Variants in AP5B1 observed in about 807,000 individuals in gnomAD.
AP5B1 encodes AP-5 complex subunit beta-1.
Under a neutral mutation model 5.7 loss-of-function variants are expected in AP5B1, and 3 were observed. That is an observed-to-expected ratio of 0.53 (90% confidence interval 0.24 to 1.36). AP5B1 has a LOEUF of 1.36. Among genes scored for constraint, AP5B1 ranks in the 40% most tolerant of loss-of-function variants. The probability of loss-of-function intolerance (pLI) is 0.17; values close to 1 mark genes in which losing one functional copy is unlikely to be tolerated. For synonymous variants in AP5B1, 696 were observed against 555.5 expected, an observed-to-expected ratio of 1.25 and a Z score of -3.56; for missense variants, 1,310 against 1,143.2, an observed-to-expected ratio of 1.15 and a Z score of -2.10.
In AP5B1 at chr11:65,780,031, C is replaced by T; in HGVS notation, c.462G>A (p.Leu154=). ...CGGGCTTGCAGCTCTCTAGCTCTCG[C>T]AGGCACTCGCAGGCCGTGGCCTGCA... is the stretch of plus-strand genomic sequence containing the variant. ...RPLQATACEC[L]RELESCKPGL... Residue 154 remains leucine, a synonymous_variant, in exon 2 of 2, where the codon CTG becomes CTA. Coordinates refer to ENST00000532090, the MANE Select transcript of AP5B1 (RefSeq NM_138368.5). 1 of 1,554,878 alleles carries T rather than the reference C, an allele frequency of 6.4e-7. No homozygotes were observed. Among genetic ancestry groups the T allele is most frequent in the African/African-American group, 1.4e-5 (1 of 73,338 alleles).
rs372361460 is a variant in AP5B1 at position 65,780,777 on chromosome 11, G to T, written c.-186C>A. ...CTCGGGGCCGACGCCAGAGCTGGGC[G>T]CCGGGGCCCTCGCGGGACAGGACAG... On this transcript the variant is annotated 5_prime_UTR_variant, in exon 1 of 2. Transcript: ENST00000532090. 30 of 510,248 alleles carry T rather than the reference G, an allele frequency of 5.9e-5. No individual in the cohort carries two copies. Among genetic ancestry groups the T allele is most frequent in the East Asian group, 5.3e-4 (14 of 26,388 alleles). The allele number at this position is 510,248 out of a possible 1,614,324, so 31.6% of individuals were successfully genotyped here.
chr11:65,775,787 T>A lies in AP5B1; in HGVS notation c.*2069A>T, dbSNP rs979922313. ...TCCTGAAACTGACCCCTTCCTGATT[T>A]GGAAATGACTTGCCGAGGTGACAAA... On this transcript the variant is annotated 3_prime_UTR_variant, in exon 2 of 2. Transcript: ENST00000532090. The A allele has an allele frequency of 6.6e-6, 1 of 152,226 alleles. No homozygotes were observed. Among genetic ancestry groups the A allele is most frequent in the Non-Finnish European group, 1.5e-5 (1 of 68,038 alleles). The allele number at this position is 152,226 out of a possible 1,614,324, so 9.4% of individuals were successfully genotyped here. A position where few individuals can be genotyped will look rare whatever the true frequency, so the allele number is the denominator to read the frequency against.
chr11:65,780,431 T>C lies in AP5B1; in HGVS notation c.150+11A>G, dbSNP rs1857836520. On this transcript the variant is annotated intron_variant, in intron 1 of 1. Coordinates refer to ENST00000532090, the MANE Select transcript of AP5B1 (RefSeq NM_138368.5). Reference sequence around the variant, plus strand: ...CCTGCGGAACGGCGCAGGGGACGCGTGGGGGCCTACCTTGGTCTGTTCGCT... The same window carrying C: ...CCTGCGGAACGGCGCAGGGGACGCGCGGGGGCCTACCTTGGTCTGTTCGCT... 3.3e-6 allele frequency: 5 copies of C among 1,493,384 alleles called. No individual in the cohort carries two copies. Among genetic ancestry groups the C allele is most frequent in the Non-Finnish European group, 4.4e-6 (5 of 1,126,004 alleles). The allele number at this position is 1,493,384 out of a possible 1,614,324, so 92.5% of individuals were successfully genotyped here.
At position 65,774,077 on chromosome 11, in the gene AP5B1, G is replaced by C. The variant is rs914839608; in HGVS notation, c.*3779C>G. Among the ~76,000 whole-genome samples the C allele has an allele frequency of 6.6e-6, 1 of 152,072 alleles. No individual in the cohort carries two copies. Among genetic ancestry groups the C allele is most frequent in the South Asian group, 2.1e-4 (1 of 4,820 alleles). ...ATCCCTATTTTGTTCATTCATGCTC[G>C]GCAGCTGTGTCTAAACCATAAAGGG... is the stretch of plus-strand genomic sequence containing the variant. On this transcript the variant is annotated 3_prime_UTR_variant, in exon 2 of 2. Coordinates refer to ENST00000532090, the MANE Select transcript of AP5B1 (RefSeq NM_138368.5).
Position 65,780,217 on chromosome 11 carries a change from G to A in AP5B1, c.276C>T (p.Leu92=), listed in dbSNP as rs1250332140. 1.3e-6 allele frequency: 2 copies of A among 1,507,976 alleles called. No homozygotes were observed. The highest frequency in any genetic ancestry group is 1.4e-5 in the African/African-American group (1 of 69,744). The allele number at this position is 1,507,976 out of a possible 1,614,324, so 93.4% of individuals were successfully genotyped here. A position where few individuals can be genotyped will look rare whatever the true frequency, so the allele number is the denominator to read the frequency against. Residue 92 remains leucine (L), a synonymous_variant, in exon 2 of 2, where the codon CTC becomes CTT. Coordinates refer to ENST00000532090, the MANE Select transcript of AP5B1 (RefSeq NM_138368.5). ...TGGCCGCCAGCAGCAGTGGCCGACG[G>A]AGAGCTGAGGGCCGCGGGGGTAGGA... ...LVLLPPRPSA[L]RRPLLLAATT...
At position 65,778,043 on chromosome 11, in the gene AP5B1, G is replaced by A. The variant is rs1857787566; in HGVS notation, c.2450C>T (p.Pro817Leu). 3 of 1,612,708 alleles carry A rather than the reference G, an allele frequency of 1.9e-6. No homozygotes were observed. The highest frequency in any genetic ancestry group is 2.5e-6 in the Non-Finnish European group (3 of 1,179,822). ...AGGAGGCTGGGCCACCACCACAAAA[G>A]GCTCCAGGTGGCGGGACACCAAGCC... Reference protein sequence around the residue: ...LEGLVSRHLEPFVVVAQPPTS... With the variant: ...LEGLVSRHLELFVVVAQPPTS... The change falls in exon 2 of 2, where the codon CCT becomes CTT. Residue 817 changes from proline to leucine, a missense_variant. Transcript: ENST00000532090.
chr11:65,778,777 T>A lies in AP5B1; in HGVS notation c.1716A>T (p.Leu572=). 6.2e-7 allele frequency: 1 copy of A among 1,610,764 alleles called. No homozygotes were observed. The highest frequency in any genetic ancestry group is 8.5e-7 in the Non-Finnish European group (1 of 1,179,016). ...AAAAHCTNWD[L]QQGLLRVCRA... is the part of the protein sequence containing the mutation. ...GGCAGACCCGCAGCAGGCCCTGCTG[T>A]AGGTCCCAGTTCGTGCAGTGGGCAG... The change falls in exon 2 of 2, where the codon CTA becomes CTT. Residue 572 remains leucine, a synonymous_variant. Coordinates refer to ENST00000532090, the MANE Select transcript of AP5B1 (RefSeq NM_138368.5).
Position 65,778,969 on chromosome 11 carries a change from C to T in AP5B1, c.1524G>A (p.Leu508=). ...PMLAPHFVDL[L]DQVDSELREP... The stretch of plus-strand genomic sequence containing the variant: ...CCCTCAGCTCAGAGTCCACCTGATC[C>T]AAGAGGTCCACAAAGTGGGGAGCCA... The change falls in exon 2 of 2, where the codon TTG becomes TTA. Residue 508 remains leucine (L), a synonymous_variant. Transcript: ENST00000532090. The T allele has an allele frequency of 6.2e-7, 1 of 1,612,752 alleles. No homozygotes were observed. The highest frequency in any genetic ancestry group is 8.5e-7 in the Non-Finnish European group (1 of 1,179,764).
rs569703 is a variant in AP5B1, at chr11:65,776,256, T to C, written c.*1600A>G. ...GATCAGGAGGCGTAAAGCTGGCCCA[T>C]GGGGAACCTGTGGCTGGGAGCCCAT... On this transcript the variant is annotated 3_prime_UTR_variant, in exon 2 of 2. Transcript: ENST00000532090. 12 of 152,176 alleles carry C rather than the reference T, an allele frequency of 7.9e-5. No homozygotes were observed. The highest frequency in any genetic ancestry group is 2.4e-4 in the African/African-American group (10 of 41,482). 9.4% of individuals were successfully genotyped at this position (152,176 alleles called of 1,614,324 possible).
rs749522545 is a variant in AP5B1, at chr11:65,778,675, A to T, written c.1818T>A (p.Pro606=). 6.4e-7 allele frequency: 1 copy of T among 1,567,776 alleles called. No homozygotes were observed. Among genetic ancestry groups the T allele is most frequent in the Non-Finnish European group, 8.6e-7 (1 of 1,160,808 alleles). The change falls in exon 2 of 2, where the codon CCT becomes CCA. Residue 606 remains proline, a synonymous_variant. Coordinates refer to ENST00000532090, the MANE Select transcript of AP5B1 (RefSeq NM_138368.5). ...AGAGGCGGGCGTGGTCACGCCCATC[A>T]GGGTCCTCCAGCTGCCTGGCCAGCA... ...LQVLARQLED[P]DGRDHARLYY...
At position 65,777,429 on chromosome 11, in the gene AP5B1, A is replaced by G. The variant is rs775281874; in HGVS notation, c.*427T>C. 8.1e-5 allele frequency: 14 copies of G among 172,878 alleles called. No homozygotes were observed. Among genetic ancestry groups the G allele is most frequent in the Middle Eastern group, 2.9e-3 (1 of 342 alleles). The allele number at this position is 172,878 out of a possible 1,614,324, so 10.7% of individuals were successfully genotyped here. Reference sequence around the variant, plus strand: ...GAAATGCGATTGCCACTGTAACAGTATAAGATTAGACCCTAAGAGGTGGTC... The same window carrying G: ...GAAATGCGATTGCCACTGTAACAGTGTAAGATTAGACCCTAAGAGGTGGTC... On this transcript the variant is annotated 3_prime_UTR_variant, in exon 2 of 2. Coordinates refer to ENST00000532090, the MANE Select transcript of AP5B1 (RefSeq NM_138368.5).
At position 65,779,609 on chromosome 11, in the gene AP5B1, C is replaced by T. The variant is rs1319108901; in HGVS notation, c.884G>A (p.Trp295Ter). The T allele has an allele frequency of 6.2e-7, 1 of 1,605,848 alleles. No homozygotes were observed. The highest frequency in any genetic ancestry group is 1.3e-5 in the African/African-American group (1 of 74,774). The part of the protein sequence containing the change: ...AQAQLLWLLG[W>*]ALRGLQGQPP... Reference sequence around the variant, plus strand: ...CTGTCCCTGCAGACCCCGCAGGGCCCAGCCCAGCAGCCACAGGAGCTGGGC... The same window carrying T: ...CTGTCCCTGCAGACCCCGCAGGGCCTAGCCCAGCAGCCACAGGAGCTGGGC... Residue 295 changes from tryptophan (W) to a stop codon, truncating the protein, a stop_gained, in exon 2 of 2, where the codon TGG (tryptophan) becomes TAG (stop). Transcript: ENST00000532090. LOFTEE classifies it low-confidence loss of function (END_TRUNC).
In AP5B1 at chr11:65,774,244, T is replaced by C. The variant is rs947919820; in HGVS notation, c.*3612A>G. ...AGGATTTTTAGTTTACATAACTGAT[T>C]TGATAATCCAGGGCATTTGTTACAG... On this transcript the variant is annotated 3_prime_UTR_variant, in exon 2 of 2. Coordinates refer to ENST00000532090, the MANE Select transcript of AP5B1 (RefSeq NM_138368.5). Among the ~76,000 whole-genome samples, 34 of 152,342 alleles carry C rather than the reference T, an allele frequency of 2.2e-4. No homozygotes were observed. The highest frequency in any genetic ancestry group is 1.3e-3 in the Admixed American group (20 of 15,298).
chr11:65,778,689 G>A lies in AP5B1; in HGVS notation c.1804C>T (p.Gln602Ter). Residue 602 changes from glutamine to a stop codon, truncating the protein, a stop_gained, in exon 2 of 2, where the codon CAG becomes TAG. Coordinates refer to ENST00000532090, the MANE Select transcript of AP5B1 (RefSeq NM_138368.5). LOFTEE classifies it low-confidence loss of function (END_TRUNC). ...TCACGCCCATCAGGGTCCTCCAGCT[G>A]CCTGGCCAGCACCTGCAGCAAGTCG... The part of the protein sequence containing the change: ...LVDLLQVLAR[Q>*]LEDPDGRDHA... The A allele has an allele frequency of 6.3e-7, 1 of 1,575,272 alleles. No homozygotes were observed. Among genetic ancestry groups the A allele is most frequent in the Non-Finnish European group, 8.6e-7 (1 of 1,164,354 alleles).
Position 65,780,648 on chromosome 11 carries a change from G to A in AP5B1, c.-57C>T. The A allele has an allele frequency of 7.7e-7, 1 of 1,296,974 alleles. No homozygotes were observed. The highest frequency in any genetic ancestry group is 4.2e-5 in the Admixed American group (1 of 23,804). 80.3% of individuals were successfully genotyped at this position (1,296,974 alleles called of 1,614,324 possible). On this transcript the variant is annotated 5_prime_UTR_variant, in exon 1 of 2. Transcript: ENST00000532090. ...AGGGACCCTCAGGCCGCAGCCACCG[G>A]GAGCGCGGGGCCCGCTGCCGACCCC...
In AP5B1 at chr11:65,779,783, G is replaced by A; in HGVS notation, c.710C>T (p.Pro237Leu). ...AGCTGCCGGCCAGCTGGGTGCCTGG[G>A]GCTGAAGGCGTCCATCGCCCTCCTC... ...LVEEGDGRLQ[P>L]QAPSWPAAEE... Residue 237 changes from proline (P) to leucine (L), a missense_variant, in exon 2 of 2, where the codon CCC (proline) becomes CTC (leucine). Coordinates refer to ENST00000532090, the MANE Select transcript of AP5B1 (RefSeq NM_138368.5). The A allele has an allele frequency of 6.3e-7, 1 of 1,584,620 alleles. No homozygotes were observed. Among genetic ancestry groups the A allele is most frequent in the Non-Finnish European group, 8.6e-7 (1 of 1,165,838 alleles).
intron 1 of AP5B1, 21 bp downstream of exon 1, chr11:65,780,421 A>C: frequency 6.7e-7 from 1 of 1,486,100 alleles, no homozygotes; most frequent in Non-Finnish European, 8.9e-7. Context: ...GGAACGGCGC[A>C]GGGGACGCGT....
At position 65,777,768 on chromosome 11, in the gene AP5B1, G is replaced by A. The variant is rs1857782880; in HGVS notation, c.*88C>T. Reference sequence around the variant, plus strand: ...AAAACAAGCCAGCGAGGGCACTGCGGAATGCAGGGTTTTGGCGACAGAGCT... The same window carrying A: ...AAAACAAGCCAGCGAGGGCACTGCGAAATGCAGGGTTTTGGCGACAGAGCT... On this transcript the variant is annotated 3_prime_UTR_variant, in exon 2 of 2. Coordinates refer to ENST00000532090, the MANE Select transcript of AP5B1 (RefSeq NM_138368.5). 1.1e-5 allele frequency: 15 copies of A among 1,391,738 alleles called. No homozygotes were observed. In the South Asian group the frequency reaches 2.3e-4, roughly 21 times the overall value. 86.2% of individuals were successfully genotyped at this position (1,391,738 alleles called of 1,614,324 possible).
chr11:65,778,579 AGGTGC>A lies in AP5B1; in HGVS notation c.1909_1913del (p.Ala637CysfsTer145). Reference sequence around the variant, plus strand: ...CGGCCACCAGTGAAGAGGCCAGTGCAGGTGCGGCAAGCGAGGGGCCCAGGGCCACC... The same window carrying A: ...CGGCCACCAGTGAAGAGGCCAGTGCAGGCAAGCGAGGGGCCCAGGGCCACC... On this transcript the variant is annotated frameshift_variant, in exon 2 of 2. Coordinates refer to ENST00000532090, the MANE Select transcript of AP5B1 (RefSeq NM_138368.5). LOFTEE classifies it low-confidence loss of function (END_TRUNC). The A allele has an allele frequency of 6.3e-7, 1 of 1,589,570 alleles. No homozygotes were observed. The highest frequency in any genetic ancestry group is 8.5e-7 in the Non-Finnish European group (1 of 1,169,830).
Sources: allele counts gnomAD v4.1 joint callset (sites outside exome capture counted in the v4.1 genomes callset), GRCh38; gene constraint gnomAD v4.1.1; transcripts MANE v1.5; gene names NCBI Gene and HGNC (gene_info 2026-07-23, HGNC 2026-07-21).